GINS2: variants seen among roughly 807,000 people sequenced by gnomAD.
GINS2 encodes the protein DNA replication complex GINS protein PSF2.
In GINS2, 23 loss-of-function variants were observed where a neutral mutation model predicts 21.2. That is an observed-to-expected ratio of 1.08 (90% CI 0.78 to 1.53). The LOEUF is 1.53. Ranked by LOEUF, GINS2 falls within the 40% of genes most tolerant of loss-of-function variation. The probability of loss-of-function intolerance (pLI) is 0.00; values close to 1 mark genes in which losing one functional copy is unlikely to be tolerated. For synonymous variants in GINS2, 118 were observed against 85.6 expected (o/e 1.38, Z -2.09); for missense variants, 323 against 233.9 (o/e 1.38, Z -2.49).
At chr16:85,686,289 G>A (rs149329820) in intron 2 of GINS2, among the ~76,000 whole-genome samples, 3,018 of 152,200 alleles carry the variant, frequency 0.02, 85 homozygotes, top group Admixed American at 0.068. Flanking sequence ...GTGGTAGCGG[G>A]CGCCTGTAGT....
intron 2 of GINS2, among the ~76,000 whole-genome samples, chr16:85,682,471 G>A (rs1398766733): frequency 1.3e-5 from 2 of 150,734 alleles, no homozygotes; most frequent in Non-Finnish European, 3.0e-5. Context: ...CCCCAGCCTG[G>A]GCGTGATACA....
At position 85,676,787 on chromosome 16, in the gene GINS2, C is replaced by A. The variant is rs938490752; in HGVS notation, c.*1425G>T. On this transcript the variant is annotated 3_prime_UTR_variant, in exon 5 of 5. Transcript: ENST00000253462. Reference sequence around the variant, plus strand: ...GGAGAACTGTGTGAACCCAGGAGTTCGAGGCTGCAGTGAGCTATAATCACG... The same window carrying A: ...GGAGAACTGTGTGAACCCAGGAGTTAGAGGCTGCAGTGAGCTATAATCACG... 6.6e-6 allele frequency: 1 copy of A among 152,092 alleles called. No homozygotes were observed. The highest frequency in any genetic ancestry group is 2.4e-5 in the African/African-American group (1 of 41,394). 9.4% of individuals were successfully genotyped at this position (152,092 alleles called of 1,614,324 possible). A position where few individuals can be genotyped will look rare whatever the true frequency, so the allele number is the denominator to read the frequency against.
At position 85,678,039 on chromosome 16, in the gene GINS2, G is replaced by C. The variant is rs1468545534; in HGVS notation, c.*173C>G. 6 of 607,892 alleles carry C rather than the reference G, an allele frequency of 9.9e-6. No individual in the cohort carries two copies. Among genetic ancestry groups the C allele is most frequent in the Non-Finnish European group, 1.7e-5 (6 of 346,470 alleles). 37.7% of individuals were successfully genotyped at this position (607,892 alleles called of 1,614,324 possible). A position where few individuals can be genotyped will look rare whatever the true frequency, so the allele number is the denominator to read the frequency against. ...ATTGAAGAATGTCCCAGGGAGCTAA[G>C]TTTTAAGGACTAATCACAAACTTGT... On this transcript the variant is annotated 3_prime_UTR_variant, in exon 5 of 5. Transcript: ENST00000253462.
At chr16:85,686,417 CAAAA>C (rs35890264) in intron 2 of GINS2, among the ~76,000 whole-genome samples, 1 of 110,868 alleles carries the variant, frequency 9.0e-6, no homozygotes, top group Non-Finnish European at 2.1e-5. Flanking sequence ...GACTCTGTCT[CAAAA>C]AAAAAAAAAA....
chr16:85,681,720 A>C, intron 2 of GINS2, 39 bp from the exon 3 acceptor site: 1 of 1,257,850 alleles, frequency 8.0e-7, no homozygotes, highest in Non-Finnish European at 1.2e-6. Context: ...CATCATTATA[A>C]CCAAGATATT....
intron 2 of GINS2, among the ~76,000 whole-genome samples, chr16:85,685,271 T>C (rs1221230918): frequency 6.6e-6 from 1 of 152,204 alleles, no homozygotes; most frequent in South Asian, 2.1e-4. Flanking sequence ...GCCCTTGCCA[T>C]GTTATCACCT....
At position 85,688,769 on chromosome 16, in the gene GINS2, C is replaced by G. The variant is rs529484630; in HGVS notation, c.90+40G>C. 2.6e-4 allele frequency: 352 copies of G among 1,336,716 alleles called. 4 individuals are homozygous for G. In the South Asian group the frequency reaches 3.6e-3, roughly 14 times the overall value. The allele number at this position is 1,336,716 out of a possible 1,614,324, so 82.8% of individuals were successfully genotyped here. On this transcript the variant is annotated intron_variant, in intron 1 of 4. Transcript: ENST00000253462. ...GCCACGCGGGAGCCCCGGACGCGCC[C>G]AGCCCGGCCTCCCCTCCCCACGGCG...
chr16:85,688,803 C>A lies in GINS2; in HGVS notation c.90+6G>T. On this transcript the variant is annotated splice_donor_region_variant and intron_variant, in intron 1 of 4. Transcript: ENST00000253462. Reference sequence around the variant, plus strand: ...CTCCCCTCCCCACGGCGGGCCCAGGCCTCACCCCGATGAGGTAGATCTTGT... The same window carrying A: ...CTCCCCTCCCCACGGCGGGCCCAGGACTCACCCCGATGAGGTAGATCTTGT... 2 of 1,518,000 alleles carry A rather than the reference C, an allele frequency of 1.3e-6. No individual in the cohort carries two copies. Among genetic ancestry groups the A allele is most frequent in the Non-Finnish European group, 1.8e-6 (2 of 1,126,722 alleles). 94.0% of individuals were successfully genotyped at this position (1,518,000 alleles called of 1,614,324 possible).
At chr16:85,679,441 C>T (rs2053713915) in intron 3 of GINS2, among the ~76,000 whole-genome samples, 1 of 152,214 alleles carries the variant, frequency 6.6e-6, no homozygotes. Context: ...CTAGGCATTA[C>T]AGGTTACGCT....
At chr16:85,684,640 T>C (rs1315012662) in intron 2 of GINS2, among the ~76,000 whole-genome samples, 1 of 151,356 alleles carries the variant, frequency 6.6e-6, no homozygotes, top group East Asian at 1.9e-4. Context: ...GTTTCAGTAG[T>C]GGAGAAAGGG....
intron 1 of GINS2, among the ~76,000 whole-genome samples, chr16:85,688,274 G>A (rs984925532): frequency 1.3e-5 from 2 of 152,162 alleles, no homozygotes; most frequent in South Asian, 4.2e-4. Flanking sequence ...TAAGCCGGGC[G>A]CAGTGGCTCC....
At chr16:85,684,953 A>G (rs2053762560) in intron 2 of GINS2, among the ~76,000 whole-genome samples, 1 of 151,802 alleles carries the variant, frequency 6.6e-6, no homozygotes. Flanking sequence ...ACACCCAGCT[A>G]ATTTTTGTAT....
At chr16:85,680,520 T>G (rs990685696) in intron 3 of GINS2, among the ~76,000 whole-genome samples, 1 of 152,130 alleles carries the variant, frequency 6.6e-6, no homozygotes, top group Non-Finnish European at 1.5e-5. Flanking sequence ...CTAGTTTCAC[T>G]TTCACTCAAC....
intron 3 of GINS2, among the ~76,000 whole-genome samples, chr16:85,680,626 A>T (rs1426647893): frequency 1.3e-5 from 2 of 152,122 alleles, no homozygotes; most frequent in Non-Finnish European, 2.9e-5. Flanking sequence ...CAGCCAGGCA[A>T]ACAAGAAAAT....
At position 85,681,567 on chromosome 16, in the gene GINS2, G is replaced by A. The variant is rs768639114; in HGVS notation, c.305+15C>T. The A allele has an allele frequency of 2.0e-5, 30 of 1,465,784 alleles. No homozygotes were observed. Among genetic ancestry groups the A allele is most frequent in the Non-Finnish European group, 2.9e-5 (30 of 1,045,784 alleles). The allele number at this position is 1,465,784 out of a possible 1,614,324, so 90.8% of individuals were successfully genotyped here. A position where few individuals can be genotyped will look rare whatever the true frequency, so the allele number is the denominator to read the frequency against. On this transcript the variant is annotated intron_variant, in intron 3 of 4. Transcript: ENST00000253462. ...CAGTCTTGGGTGTGGCCTCTAAGAG[G>A]TGAGATCTACTTACTGATTTAACAG...
Position 85,688,916 on chromosome 16 carries a change from G to T in GINS2, c.-18C>A, listed in dbSNP as rs1021632502. The T allele has an allele frequency of 2.0e-6, 3 of 1,521,062 alleles. No homozygotes were observed. The highest frequency in any genetic ancestry group is 2.8e-5 in the African/African-American group (2 of 71,268). The allele number at this position is 1,521,062 out of a possible 1,614,324, so 94.2% of individuals were successfully genotyped here. A position where few individuals can be genotyped will look rare whatever the true frequency, so the allele number is the denominator to read the frequency against. ...GCGTCCATGGCGGCGCGAGCTGCAG[G>T]CCAGAGCCTCACGGTCTCCTCGGGC... On this transcript the variant is annotated 5_prime_UTR_variant, in exon 1 of 5. Coordinates refer to ENST00000253462, the MANE Select transcript of GINS2 (RefSeq NM_016095.3).
rs2053707087 is a variant in GINS2, at chr16:85,678,670, A to C, written c.306-4T>G. 10 of 1,613,308 alleles carry C rather than the reference A, an allele frequency of 6.2e-6. No homozygotes were observed. The highest frequency in any genetic ancestry group is 8.5e-6 in the Non-Finnish European group (10 of 1,179,706). On this transcript the variant is annotated splice_region_variant and splice_polypyrimidine_tract_variant and intron_variant, in intron 3 of 4. Coordinates refer to ENST00000253462, the MANE Select transcript of GINS2 (RefSeq NM_016095.3). ...CTTCGGGATGTTGTCTGAAGCACTA[A>C]AGGAGCAAGGGCTAAAGTCAGTCGG... is the stretch of plus-strand genomic sequence containing the variant.
intron 3 of GINS2, among the ~76,000 whole-genome samples, chr16:85,680,627 AC>A (rs1467159183): frequency 5.3e-5 from 8 of 152,138 alleles, no homozygotes; most frequent in African/African-American, 1.9e-4. Context: ...AGCCAGGCAA[AC>A]AAGAAAATTA....
At chr16:85,682,215 A>G (rs770010164) in intron 2 of GINS2, among the ~76,000 whole-genome samples, 23 of 151,922 alleles carry the variant, frequency 1.5e-4, no homozygotes, top group Non-Finnish European at 2.6e-4. Context: ...AGGTCTCACT[A>G]TGTTGCCCAG....
Sources: gnomAD v4.1 joint callset for allele counts (sites outside exome capture counted in the v4.1 genomes callset) on GRCh38, gnomAD v4.1.1 for gene constraint, MANE v1.5 for transcripts, NCBI Gene and HGNC (gene_info 2026-07-23, HGNC 2026-07-21) for gene names.